TPST2: variants seen among roughly 807,000 people sequenced by gnomAD.
The protein encoded by TPST2 is tyrosylprotein sulfotransferase 2.
In TPST2, 16 loss-of-function variants were observed where a neutral mutation model predicts 27.8. The ratio of observed to expected loss-of-function variants is 0.58; its 90% CI spans 0.39 to 0.88. The LOEUF (loss-of-function observed/expected upper bound fraction) is 0.88. Among genes scored for constraint, TPST2 ranks in the 40% least tolerant of loss-of-function variants. TPST2 has a pLI of 0.00. For missense variants in TPST2, 464 were observed against 543.1 expected, an observed-to-expected ratio of 0.85 and a Z score of 1.45; for synonymous variants, 229 against 231.7, an observed-to-expected ratio of 0.99 and a Z score of 0.10.
intron 1 of TPST2, among the ~76,000 whole-genome samples, chr22:26,551,150 T>G (rs1926447580): frequency 7.8e-6 from 1 of 129,004 alleles, no homozygotes; most frequent in Non-Finnish European, 1.7e-5. Context: ...CTGGGCTTGA[T>G]GATAATACAC....
At chr22:26,561,631 G>C (rs1036506607) in intron 1 of TPST2, among the ~76,000 whole-genome samples, 4 of 152,124 alleles carry the variant, frequency 2.6e-5, no homozygotes, top group African/African-American at 9.7e-5. Context: ...AAAAGATATT[G>C]CATGTGAAGC....
intron 1 of TPST2, among the ~76,000 whole-genome samples, chr22:26,583,745 CAGA>C (rs1218039169): frequency 1.3e-5 from 2 of 151,862 alleles, no homozygotes; most frequent in Non-Finnish European, 2.9e-5. Flanking sequence ...GAGGCTGAGG[CAGA>C]AGAATAGCTT....
Position 26,541,649 on chromosome 22 carries a change from T to A in TPST2, c.-19A>T. On this transcript the variant is annotated 5_prime_UTR_variant, in exon 3 of 7. Transcript: ENST00000338754. This position sits in a 1 kb window ranked among gnomAD's most constrained non-coding sequence, Gnocchi z 5.9. Reference sequence around the variant, plus strand: ...GGCGCATGCTGGGCCGGAGGCAGGGTAGGCCTGGCCTGAGGGCCCGCTTCT... The same window carrying A: ...GGCGCATGCTGGGCCGGAGGCAGGGAAGGCCTGGCCTGAGGGCCCGCTTCT... 1 of 1,544,728 alleles carries A rather than the reference T, an allele frequency of 6.5e-7. No individual in the cohort carries two copies. Among genetic ancestry groups the A allele is most frequent in the Admixed American group, 1.9e-5 (1 of 51,986 alleles).
chr22:26,578,853 CT>C (rs869169533), intron 1 of TPST2, among the ~76,000 whole-genome samples: 397 of 138,848 alleles, frequency 2.9e-3, no homozygotes, highest in Admixed American at 3.4e-3. Context: ...TTCTTTCTTT[CT>C]TTTTTTTTTT....
intron 6 of TPST2, 27 bp downstream of exon 6, chr22:26,528,186 GA>G (rs760505924): frequency 1.8e-5 from 28 of 1,555,190 alleles, no homozygotes; most frequent in Non-Finnish European, 2.4e-5. Context: ...GAAGCAGCGG[GA>G]ACCCCCAGTG....
At chr22:26,584,802 T>A (rs1928276372) in intron 1 of TPST2, among the ~76,000 whole-genome samples, 1 of 152,254 alleles carries the variant, frequency 6.6e-6, no homozygotes, top group Non-Finnish European at 1.5e-5. Context: ...TCACATCATA[T>A]GGCTGTTGGG....
intron 1 of TPST2, among the ~76,000 whole-genome samples, chr22:26,570,277 G>A (rs1461461900): frequency 4.0e-5 from 6 of 151,890 alleles, no homozygotes; most frequent in Non-Finnish European, 8.8e-5. Context: ...AGGGCTAGTC[G>A]GTCCTGGGCG....
At chr22:26,584,269 T>A (rs1416760419) in intron 1 of TPST2, among the ~76,000 whole-genome samples, 1 of 151,988 alleles carries the variant, frequency 6.6e-6, no homozygotes, top group African/African-American at 2.4e-5. Flanking sequence ...CTGCTGTGCA[T>A]GAGAGTGTGG....
Position 26,524,576 on chromosome 22 carries a change from C to T in TPST2, c.*1699G>A, listed in dbSNP as rs1602242676. 2 of 152,310 alleles carry T rather than the reference C, an allele frequency of 1.3e-5. No homozygotes were observed. Among genetic ancestry groups the T allele is most frequent in the African/African-American group, 4.8e-5 (2 of 41,562 alleles). 9.4% of individuals were successfully genotyped at this position (152,310 alleles called of 1,614,324 possible). ...CATTTTACAGATGAAGAGACAAAGT[C>T]TCAAGCCATACAGCCAGTAGGTCAG... On this transcript the variant is annotated 3_prime_UTR_variant, in exon 7 of 7. Coordinates refer to ENST00000338754, the MANE Select transcript of TPST2 (RefSeq NM_003595.5).
intron 1 of TPST2, among the ~76,000 whole-genome samples, chr22:26,576,083 T>A (rs1459198216): frequency 1.4e-5 from 2 of 147,826 alleles, no homozygotes; most frequent in South Asian, 2.2e-4. Context: ...ACAAAAAAAT[T>A]TAAGGAAATT....
intron 1 of TPST2, among the ~76,000 whole-genome samples, chr22:26,579,374 C>T (rs1927995382): frequency 6.6e-6 from 1 of 152,228 alleles, no homozygotes; most frequent in Admixed American, 6.5e-5. Context: ...ACAGCATCTG[C>T]CGTCCTGCTG....
intron 1 of TPST2, chr22:26,561,144 G>A (rs1343231761): frequency 6.2e-7 from 1 of 1,605,352 alleles, no homozygotes; most frequent in Non-Finnish European, 8.5e-7. Context: ...AGATGAAGAT[G>A]AAGAAGATGA....
At chr22:26,549,656 C>CAAAAAAAAA (rs71192939) in intron 1 of TPST2, among the ~76,000 whole-genome samples, 1 of 58,672 alleles carries the variant, frequency 1.7e-5, no homozygotes, top group African/African-American at 8.1e-5. Context: ...GACTCCGTCT[C>CAAAAAAAAA]AAAAAAAAAA....
At chr22:26,547,560 G>A (rs774874804) in intron 1 of TPST2, 3 of 152,170 alleles carry the variant, frequency 2.0e-5, no homozygotes, top group Non-Finnish European at 4.4e-5. Context: ...AGGCCCACGT[G>A]GGTGCAGGGT....
intron 1 of TPST2, among the ~76,000 whole-genome samples, chr22:26,559,140 GCGATCA>G (rs1478520539): frequency 1.3e-5 from 2 of 152,240 alleles, no homozygotes; most frequent in African/African-American, 2.4e-5. Flanking sequence ...GCCGAGGCAG[GCGATCA>G]CCTGAGGTCA....
intron 1 of TPST2, among the ~76,000 whole-genome samples, chr22:26,589,647 C>T (rs576126039): frequency 4.9e-4 from 75 of 152,332 alleles, no homozygotes; most frequent in African/African-American, 1.7e-3. Context: ...CTTCCACGCG[C>T]CCTGGCGCCC....
intron 1 of TPST2, chr22:26,561,221 A>G: frequency 2.0e-6 from 3 of 1,520,112 alleles, no homozygotes; most frequent in Non-Finnish European, 2.6e-6. Flanking sequence ...CCCTGTACAC[A>G]ACTCACTCCT....
intron 1 of TPST2, among the ~76,000 whole-genome samples, chr22:26,583,619 G>T (rs1425036398): frequency 6.6e-6 from 1 of 151,572 alleles, no homozygotes; most frequent in Non-Finnish European, 1.5e-5. Flanking sequence ...ACTTTGGGAG[G>T]CCAAGGCAGG....
rs1330112180 is a variant in TPST2, at chr22:26,524,996, G to A, written c.*1279C>T. 2 of 152,200 alleles carry A rather than the reference G, an allele frequency of 1.3e-5. No individual in the cohort carries two copies. The highest frequency in any genetic ancestry group is 2.4e-5 in the African/African-American group (1 of 41,458). 9.4% of individuals were successfully genotyped at this position (152,200 alleles called of 1,614,324 possible). A position where few individuals can be genotyped will look rare whatever the true frequency, so the allele number is the denominator to read the frequency against. Reference sequence around the variant, plus strand: ...GCCATGCTGTATCATTTTGACCTCTGGAGCAGCTGGTGATTAAGTAACTAA... The same window carrying A: ...GCCATGCTGTATCATTTTGACCTCTAGAGCAGCTGGTGATTAAGTAACTAA... On this transcript the variant is annotated 3_prime_UTR_variant, in exon 7 of 7. Coordinates refer to ENST00000338754, the MANE Select transcript of TPST2 (RefSeq NM_003595.5).
Sources: allele counts gnomAD v4.1 joint callset (sites outside exome capture counted in the v4.1 genomes callset), GRCh38; gene constraint gnomAD v4.1.1; non-coding constraint Gnocchi (gnomAD v3.1); transcripts MANE v1.5; gene names NCBI Gene and HGNC (gene_info 2026-07-23, HGNC 2026-07-21).